Variants in PTP4A3 observed in about 807,000 individuals in gnomAD.
PTP4A3 encodes the protein protein tyrosine phosphatase 4A3, also known as protein tyrosine phosphatase type IVA 3.
PTP4A3 carries 9 observed loss-of-function variants against 15.2 expected under a neutral mutation model. The ratio of observed to expected loss-of-function variants is 0.59; its 90% CI spans 0.36 to 1.03. PTP4A3 has a LOEUF of 1.03. Among genes scored for constraint, PTP4A3 ranks in the 50% least tolerant of loss-of-function variants. The probability of loss-of-function intolerance (pLI) is 0.02; values close to 1 mark genes in which losing one functional copy is unlikely to be tolerated. For synonymous variants in PTP4A3, 95 were observed against 102.0 expected (o/e 0.93, Z 0.41); for missense variants, 234 against 252.1 (o/e 0.93, Z 0.49).
At chr8:141,409,996 A>T (rs568599632) in intron 1 of PTP4A3, among the ~76,000 whole-genome samples, 3 of 152,348 alleles carry the variant, frequency 2.0e-5, no homozygotes, top group African/African-American at 7.2e-5. Flanking sequence ...CCCTCAAGCC[A>T]CTGTCACCAC....
rs1832299616 is a variant in PTP4A3, at chr8:141,392,196, C to T, written c.-854+112C>T. 2.0e-5 allele frequency: 3 copies of T among 149,826 alleles called. No individual in the cohort carries two copies. The South Asian group carries it at 6.2e-4, about 31-fold the overall frequency. 9.3% of individuals were successfully genotyped at this position (149,826 alleles called of 1,614,324 possible). ...CCCGCTCCGGGCACGGCTTCGGGGC[C>T]GCGCAGCCGGGAGGGCCGCCGCCTT... On this transcript the variant is annotated intron_variant, in intron 1 of 5. Coordinates refer to ENST00000521578, the MANE Select transcript of PTP4A3 (RefSeq NM_032611.3).
chr8:141,422,362 G>A lies in PTP4A3; in HGVS notation c.105+17G>A, dbSNP rs1833374909. 6.2e-7 allele frequency: 1 copy of A among 1,612,910 alleles called. No individual in the cohort carries two copies. The highest frequency in any genetic ancestry group is 1.3e-5 in the African/African-American group (1 of 74,944). On this transcript the variant is annotated intron_variant, in intron 2 of 5. Coordinates refer to ENST00000521578, the MANE Select transcript of PTP4A3 (RefSeq NM_032611.3). The stretch of plus-strand genomic sequence containing the variant: ...TTCATTGAGGTGAGTGGAGACGGAG[G>A]TGTGGCAGGCAGGTGGCCCAGGTGT...
intron 1 of PTP4A3, among the ~76,000 whole-genome samples, chr8:141,402,627 C>G (rs1563725425): frequency 6.6e-6 from 1 of 152,116 alleles, no homozygotes; most frequent in East Asian, 1.9e-4. Flanking sequence ...GCAGCCCTGC[C>G]CCCGCCCACA....
intron 1 of PTP4A3, among the ~76,000 whole-genome samples, chr8:141,411,721 G>A (rs1158397150): frequency 6.6e-6 from 1 of 152,216 alleles, no homozygotes; most frequent in Non-Finnish European, 1.5e-5. Context: ...GCCCTGGCTA[G>A]CTCCATGATC....
At chr8:141,416,915 G>C (rs1833075491) in intron 1 of PTP4A3, among the ~76,000 whole-genome samples, 1 of 152,152 alleles carries the variant, frequency 6.6e-6, no homozygotes, top group Non-Finnish European at 1.5e-5. Flanking sequence ...CAGGGACCAG[G>C]TTGTTTGAGA....
intron 5 of PTP4A3, among the ~76,000 whole-genome samples, chr8:141,430,093 A>T (rs79073872): frequency 9.4e-5 from 3 of 31,990 alleles, no homozygotes; most frequent in African/African-American, 2.4e-4. Context: ...TGTAAGGACC[A>T]GGTGGCGGGG....
intron 1 of PTP4A3, among the ~76,000 whole-genome samples, chr8:141,399,358 G>T (rs1052411708): frequency 6.6e-6 from 1 of 152,152 alleles, no homozygotes; most frequent in Admixed American, 6.5e-5. Context: ...TTCCTCCCGG[G>T]CTTTGCTTCC....
At chr8:141,424,949 G>A in intron 2 of PTP4A3, 99 bp from the exon 3 acceptor site, 3 of 992,730 alleles carry the variant, frequency 3.0e-6, no homozygotes, top group Non-Finnish European at 4.6e-6. Context: ...GTGACTGTGG[G>A]GGACACAGCT....
intron 1 of PTP4A3, among the ~76,000 whole-genome samples, chr8:141,419,232 C>T (rs1049489371): frequency 6.6e-6 from 1 of 152,208 alleles, no homozygotes; most frequent in Non-Finnish European, 1.5e-5. Context: ...GTCCAGGCCA[C>T]GTGCTGGTGC....
intron 5 of PTP4A3, among the ~76,000 whole-genome samples, chr8:141,428,503 A>T (rs970194172): frequency 3.3e-5 from 5 of 152,150 alleles, no homozygotes; most frequent in African/African-American, 1.2e-4. Flanking sequence ...CGTGAGTGTG[A>T]CACACCTGTG....
At chr8:141,401,266 C>T (rs775002298) in intron 1 of PTP4A3, among the ~76,000 whole-genome samples, 5 of 152,154 alleles carry the variant, frequency 3.3e-5, no homozygotes, top group Non-Finnish European at 7.4e-5. Context: ...AAGCTGGCAC[C>T]TGCACATCTG....
intron 1 of PTP4A3, among the ~76,000 whole-genome samples, chr8:141,408,123 G>T (rs1406378659): frequency 6.6e-6 from 1 of 152,160 alleles, no homozygotes; most frequent in Non-Finnish European, 1.5e-5. Context: ...AGAGGGCCAC[G>T]TGGTGTGTGA....
intron 1 of PTP4A3, among the ~76,000 whole-genome samples, chr8:141,395,811 G>A (rs4961379): frequency 0.29 from 41,512 of 143,468 alleles, 6,656 homozygotes; most frequent in East Asian, 0.6. Context: ...GCATCTTCCC[G>A]GGATGTAGGG....
Position 141,427,769 on chromosome 8 carries a change from C to T in PTP4A3, c.349C>T (p.Leu117=). ...CCCCAGGGCTCCAGTCCTTGTGGCG[C>T]TGGCCCTTATTGAGAGCGGGATGAA... ...GLGRAPVLVA[L]ALIESGMKYE... Residue 117 remains leucine (L), a synonymous_variant, in exon 5 of 6, where the codon CTG becomes TTG. Transcript: ENST00000521578. 6.4e-7 allele frequency: 1 copy of T among 1,551,622 alleles called. No homozygotes were observed. Among genetic ancestry groups the T allele is most frequent in the Admixed American group, 2.0e-5 (1 of 51,258 alleles).
chr8:141,406,021 G>A lies in PTP4A3; in HGVS notation c.-854+13937G>A, dbSNP rs1439901952. Reference sequence around the variant, plus strand: ...GCAGCTCGCGTGGGGCCTTTAGGGCGATAAGGATTTTTGGCTTTCCTGAGT... The same window carrying A: ...GCAGCTCGCGTGGGGCCTTTAGGGCAATAAGGATTTTTGGCTTTCCTGAGT... On this transcript the variant is annotated intron_variant, in intron 1 of 5. Coordinates refer to ENST00000521578, the MANE Select transcript of PTP4A3 (RefSeq NM_032611.3). This position sits in a 1 kb window ranked among gnomAD's most constrained non-coding sequence, Gnocchi z 4.5. Among the ~76,000 whole-genome samples the A allele has an allele frequency of 6.6e-6, 1 of 152,138 alleles. No individual in the cohort carries two copies. Among genetic ancestry groups the A allele is most frequent in the Non-Finnish European group, 1.5e-5 (1 of 68,022 alleles).
chr8:141,418,613 C>T (rs1475496420), intron 1 of PTP4A3, among the ~76,000 whole-genome samples: 1 of 152,160 alleles, frequency 6.6e-6, no homozygotes. Context: ...GGGAAGGGTT[C>T]TGCAGGGCTT....
chr8:141,418,346 A>G (rs1833152472), intron 1 of PTP4A3, among the ~76,000 whole-genome samples: 1 of 152,194 alleles, frequency 6.6e-6, no homozygotes, highest in African/African-American at 2.4e-5. Flanking sequence ...ATCGGGAAGG[A>G]GGGCGGTAGC....
Position 141,431,239 on chromosome 8 carries a change from C to G in PTP4A3, c.*195C>G, listed in dbSNP as rs1833861174. 5.0e-6 allele frequency: 3 copies of G among 597,936 alleles called. No individual in the cohort carries two copies. The South Asian group carries it at 6.2e-5, about 12-fold the overall frequency. The allele number at this position is 597,936 out of a possible 1,614,324, so 37.0% of individuals were successfully genotyped here. ...GAGCCCCTCGGGCCCTGGGTGGCCTCTGGGCCCTTTCTCCTGTCTCCGCCA... is the reference window on the plus strand; with the variant it reads ...GAGCCCCTCGGGCCCTGGGTGGCCTGTGGGCCCTTTCTCCTGTCTCCGCCA... On this transcript the variant is annotated 3_prime_UTR_variant, in exon 6 of 6. Transcript: ENST00000521578.
At chr8:141,415,934 C>T (rs555437687) in intron 1 of PTP4A3, among the ~76,000 whole-genome samples, 1 of 152,002 alleles carries the variant, frequency 6.6e-6, no homozygotes, top group Admixed American at 6.5e-5. Context: ...GCCCCCCTAG[C>T]AATGGGCGGA....
Sources: allele counts gnomAD v4.1 joint callset (sites outside exome capture counted in the v4.1 genomes callset), GRCh38; gene constraint gnomAD v4.1.1; non-coding constraint Gnocchi (gnomAD v3.1); transcripts MANE v1.5; gene names NCBI Gene and HGNC (gene_info 2026-07-23, HGNC 2026-07-21).